The following CCSER1 variants were observed in gnomAD, a reference collection of about 807,000 sequenced individuals.
CCSER1 encodes coiled-coil serine rich protein 1.
A neutral mutation model predicts 82.0 loss-of-function variants in CCSER1; 41 were observed. The ratio of observed to expected loss-of-function variants is 0.50; its 90% CI spans 0.39 to 0.65. The LOEUF (loss-of-function observed/expected upper bound fraction) is 0.65. Among genes scored for constraint, CCSER1 ranks in the 30% least tolerant of loss-of-function variants. The pLI, the probability that CCSER1 is intolerant of heterozygous loss-of-function variation, is 0.00. For synonymous variants in CCSER1, 414 were observed against 383.9 expected, an observed-to-expected ratio of 1.08 and a Z score of -0.92; for missense variants, 1,119 against 1,064.2, an observed-to-expected ratio of 1.05 and a Z score of -0.72.
intron 9 of CCSER1, among the ~76,000 whole-genome samples, chr4:90,976,499 T>TA (rs551312141): frequency 3.3e-5 from 5 of 150,816 alleles, no homozygotes; most frequent in Admixed American, 1.3e-4. Flanking sequence ...GAATTAAGAT[T>TA]AAAAAAAATA....
At chr4:90,238,315 T>A (rs890747418) in intron 1 of CCSER1, among the ~76,000 whole-genome samples, 2 of 152,138 alleles carry the variant, frequency 1.3e-5, no homozygotes, top group Non-Finnish European at 2.9e-5. Flanking sequence ...TAATCATTGC[T>A]TCTGTTGCAT....
At chr4:90,436,810 C>CTTT (rs989339206) in intron 4 of CCSER1, among the ~76,000 whole-genome samples, 1 of 140,504 alleles carries the variant, frequency 7.1e-6, no homozygotes, top group Non-Finnish European at 1.6e-5. Flanking sequence ...ATATTAGTTC[C>CTTT]TTTTTTTTTT....
chr4:90,412,015 G>A (rs938159224), intron 4 of CCSER1, among the ~76,000 whole-genome samples: 36 of 151,866 alleles, frequency 2.4e-4, no homozygotes, highest in Non-Finnish European at 4.6e-4. Flanking sequence ...ACATGCACAC[G>A]TATGTTTATT....
chr4:91,259,803 G>C (rs1179111320), intron 10 of CCSER1, among the ~76,000 whole-genome samples: 1 of 152,142 alleles, frequency 6.6e-6, no homozygotes, highest in African/African-American at 2.4e-5. Flanking sequence ...GCATTCCATG[G>C]TGTATATGTG....
At position 90,890,775 on chromosome 4, in the gene CCSER1, C is replaced by A. The variant is rs545773877; in HGVS notation, c.2095-32595C>A. Among the ~76,000 whole-genome samples the A allele has an allele frequency of 3.3e-5, 5 of 152,220 alleles. No homozygotes were observed. In the South Asian group the frequency reaches 1.0e-3, roughly 32 times the overall value. ...CTAATAAATCACTTTCACAGGAATT[C>A]TCATCTCAGAGTCATCTGTTTCTGA... On this transcript the variant is annotated intron_variant, in intron 8 of 10. Coordinates refer to ENST00000509176, the MANE Select transcript of CCSER1 (RefSeq NM_001145065.2).
intron 10 of CCSER1, among the ~76,000 whole-genome samples, chr4:91,564,831 T>C (rs889052591): frequency 1.3e-5 from 2 of 152,074 alleles, no homozygotes; most frequent in African/African-American, 4.8e-5. Flanking sequence ...TTCTGTTGTC[T>C]GTTTATGCTG....
intron 10 of CCSER1, among the ~76,000 whole-genome samples, chr4:91,303,833 AAAAC>A (rs1164836046): frequency 6.6e-6 from 1 of 151,962 alleles, no homozygotes; most frequent in Admixed American, 6.6e-5. Context: ...CAACAAAACT[AAAAC>A]TAACTACCCA....
intron 3 of CCSER1, among the ~76,000 whole-genome samples, chr4:90,374,685 A>T (rs926907164): frequency 2.0e-5 from 3 of 152,004 alleles, no homozygotes. Context: ...TGGACAATTG[A>T]CCTCCTCTCA....
At chr4:90,997,276 A>G (rs1479951196) in intron 9 of CCSER1, among the ~76,000 whole-genome samples, 1 of 152,178 alleles carries the variant, frequency 6.6e-6, no homozygotes, top group East Asian at 1.9e-4. Context: ...CAAAGCCAGC[A>G]GCACAGCATC....
intron 5 of CCSER1, among the ~76,000 whole-genome samples, chr4:90,541,155 G>T (rs2153635828): frequency 6.6e-6 from 1 of 152,048 alleles, no homozygotes; most frequent in Non-Finnish European, 1.5e-5. Context: ...AATGAAGAGG[G>T]TAAAAAGAAA....
intron 5 of CCSER1, among the ~76,000 whole-genome samples, chr4:90,599,937 A>G (rs1783837120): frequency 6.6e-6 from 1 of 152,158 alleles, no homozygotes; most frequent in Admixed American, 6.5e-5. Flanking sequence ...ACTAATTAGC[A>G]TTTCTTAGAA....
At chr4:91,529,636 A>G (rs1456904398) in intron 10 of CCSER1, among the ~76,000 whole-genome samples, 1 of 152,014 alleles carries the variant, frequency 6.6e-6, no homozygotes, top group Non-Finnish European at 1.5e-5. Flanking sequence ...TCCTTTTTAC[A>G]TGTATCTGAG....
chr4:91,357,887 CTT>C (rs77874106), intron 10 of CCSER1, among the ~76,000 whole-genome samples: 4 of 55,144 alleles, frequency 7.3e-5, no homozygotes, highest in Non-Finnish European at 1.1e-4. Context: ...CCCCCCCCCC[CTT>C]TTTTTTTTTT....
chr4:90,752,724 T>C (rs899017255), intron 7 of CCSER1, among the ~76,000 whole-genome samples: 8 of 152,088 alleles, frequency 5.3e-5, no homozygotes, highest in Non-Finnish European at 1.2e-4. Flanking sequence ...ATGCCATCTA[T>C]TGACAGATGC....
intron 8 of CCSER1, among the ~76,000 whole-genome samples, chr4:90,886,019 T>A (rs1189718258): frequency 2.0e-5 from 3 of 152,090 alleles, no homozygotes; most frequent in Non-Finnish European, 4.4e-5. Context: ...CAAGAGCTGT[T>A]CCTCATTGGT....
chr4:90,833,265 G>A (rs533814616), intron 8 of CCSER1, among the ~76,000 whole-genome samples: 1 of 152,236 alleles, frequency 6.6e-6, no homozygotes, highest in South Asian at 2.1e-4. Context: ...ATTTTCTCCA[G>A]CCCTTTTATA....
chr4:90,478,054 T>G (rs1368364900), intron 5 of CCSER1, among the ~76,000 whole-genome samples: 1 of 152,200 alleles, frequency 6.6e-6, no homozygotes, highest in African/African-American at 2.4e-5. Flanking sequence ...TGCATGCTAA[T>G]TCTCTTAACT....
At chr4:91,134,279 C>T (rs1728259245) in intron 10 of CCSER1, among the ~76,000 whole-genome samples, 1 of 151,950 alleles carries the variant, frequency 6.6e-6, no homozygotes, top group South Asian at 2.1e-4. Flanking sequence ...TGCCTGTAGT[C>T]CTAGCTACTT....
rs150331051 is a variant in CCSER1, at chr4:91,161,207, G to T, written c.2217+75213G>T. On this transcript the variant is annotated intron_variant, in intron 10 of 10. Coordinates refer to ENST00000509176, the MANE Select transcript of CCSER1 (RefSeq NM_001145065.2). ...TTGTCAGATTTGTCAAAAATCAGAT[G>T]GTACTAGATGTGTGGTGTTATTTCC... Among the ~76,000 whole-genome samples, 195 of 152,124 alleles carry T rather than the reference G, an allele frequency of 1.3e-3. 2 individuals are homozygous for T. Among genetic ancestry groups the T allele is most frequent in the Non-Finnish European group, 2.4e-3 (162 of 68,000 alleles).
Sources: allele counts gnomAD v4.1 joint callset (sites outside exome capture counted in the v4.1 genomes callset), GRCh38; gene constraint gnomAD v4.1.1; transcripts MANE v1.5; gene names NCBI Gene and HGNC (gene_info 2026-07-23, HGNC 2026-07-21).